Variants in KPNA7 observed in about 807,000 individuals in gnomAD.
KPNA7 encodes karyopherin subunit alpha 7.
A neutral mutation model predicts 53.7 loss-of-function variants in KPNA7; 54 were observed. The ratio of observed to expected loss-of-function variants is 1.01; its 90% CI spans 0.81 to 1.26. The LOEUF is 1.26. Among genes scored for constraint, KPNA7 ranks in the 50% most tolerant of loss-of-function variants. The probability of loss-of-function intolerance (pLI) is 0.00; values close to 1 mark genes in which losing one functional copy is unlikely to be tolerated. For synonymous variants in KPNA7, 276 were observed against 259.3 expected (o/e 1.06, Z -0.62); for missense variants, 640 against 644.5 (o/e 0.99, Z 0.07).
chr7:99,158,007 C>G, the KPNA7 span, among the ~76,000 whole-genome samples: 1 of 151,870 alleles, frequency 6.6e-6, no homozygotes, highest in East Asian at 1.9e-4. Context: ...GAACTCCTGG[C>G]CTCCTGAGTA....
At position 99,178,011 on chromosome 7, in the gene KPNA7, C is replaced by T. The variant is rs1355814828; in HGVS notation, c.1373G>A (p.Gly458Asp). 2 of 1,551,636 alleles carry T rather than the reference C, an allele frequency of 1.3e-6. No homozygotes were observed. The highest frequency in any genetic ancestry group is 1.4e-5 in the African/African-American group (1 of 73,014). The change falls in exon 10 of 11, where the codon GGT becomes GAT. Residue 458 changes from glycine (G) to aspartate (D), a missense_variant. Gly to Asp is a moderately conservative substitution (Grantham distance 94, BLOSUM62 -1). Transcript: ENST00000327442. ...ENLCLLIEEL[G>D]GIDRIEALQL... The stretch of plus-strand genomic sequence containing the variant: ...TAAAGCCTCAATTCTATCGATCCCA[C>T]CAAGTTCTTCTATCAGAAGACACAG...
intron 6 of KPNA7, among the ~76,000 whole-genome samples, chr7:99,189,010 A>T (rs1184162037): frequency 6.6e-6 from 1 of 152,120 alleles, no homozygotes; most frequent in Non-Finnish European, 1.5e-5. Context: ...TTCAAATAGA[A>T]ATGTGTTCTA....
At chr7:99,171,653 C>T (rs1039579877), downstream of KPNA7, among the ~76,000 whole-genome samples, 1 of 152,178 alleles carries the variant, frequency 6.6e-6, no homozygotes, top group African/African-American at 2.4e-5. Context: ...CCCAGCTACT[C>T]AAGAGGCTGA....
chr7:99,188,840 C>A (rs1320941495), intron 6 of KPNA7, among the ~76,000 whole-genome samples: 7 of 152,036 alleles, frequency 4.6e-5, no homozygotes, highest in Non-Finnish European at 1.0e-4. Context: ...ACCACACACG[C>A]CCAGCTAATT....
chr7:99,215,589 G>T (rs908644561), intron 1 of KPNA7, among the ~76,000 whole-genome samples: 1 of 150,342 alleles, frequency 6.7e-6, no homozygotes, highest in Non-Finnish European at 1.5e-5. Flanking sequence ...GATCCCTGTT[G>T]CTTCTCCAGG....
intron 7 of KPNA7, 105 bp downstream of exon 7, chr7:99,188,195 A>ATG: frequency 1.6e-6 from 1 of 637,954 alleles, no homozygotes; most frequent in Non-Finnish European, 2.4e-6. Flanking sequence ...AAAAAAAAAA[A>ATG]AAAGCAAAGA....
chr7:99,170,468 G>GA (rs1798751958), downstream of KPNA7, among the ~76,000 whole-genome samples: 1 of 876 alleles, frequency 1.1e-3, no homozygotes, highest in Non-Finnish European at 5.3e-3. Context: ...CCGTTTCAGT[G>GA]GGAAAAAAAA....
At chr7:99,191,952 A>G (rs867138150) in intron 6 of KPNA7, among the ~76,000 whole-genome samples, 33 of 152,174 alleles carry the variant, frequency 2.2e-4, no homozygotes, top group African/African-American at 7.7e-4. Flanking sequence ...TCCCAGATGA[A>G]GGTTTTGAAC....
chr7:99,155,918 T>C, the KPNA7 span, among the ~76,000 whole-genome samples: 2 of 152,126 alleles, frequency 1.3e-5, no homozygotes, highest in African/African-American at 4.8e-5. Flanking sequence ...TTCTGTCTAC[T>C]ACTTGGAATC....
chr7:99,186,084 C>G (rs750092837), intron 7 of KPNA7, among the ~76,000 whole-genome samples: 1 of 152,156 alleles, frequency 6.6e-6, no homozygotes, highest in Non-Finnish European at 1.5e-5. Context: ...TGAGCTACTG[C>G]GCCCAGTGAC....
At chr7:99,175,510 TTTATTTATTTA>T (rs1386634438) in intron 10 of KPNA7, among the ~76,000 whole-genome samples, 16 of 136,252 alleles carry the variant, frequency 1.2e-4, no homozygotes, top group South Asian at 8.5e-4. Context: ...TATTTATTTA[TTTATTTATTTA>T]TTATTTATTT....
At chr7:99,194,452 C>T (rs1408331318) in intron 5 of KPNA7, among the ~76,000 whole-genome samples, 2 of 152,164 alleles carry the variant, frequency 1.3e-5, no homozygotes, top group Non-Finnish European at 2.9e-5. Context: ...TAAACTCCCA[C>T]ACTGCATAAG....
chr7:99,205,409 TCAAAAAAA>T (rs1563088826), intron 2 of KPNA7, among the ~76,000 whole-genome samples: 2 of 32,136 alleles, frequency 6.2e-5, no homozygotes. Context: ...AGACTCCATC[TCAAAAAAA>T]AAAAAAAAAA....
chr7:99,195,371 A>C (rs1227522475), intron 4 of KPNA7, 33 bp from the exon 5 acceptor site: 18 of 1,541,226 alleles, frequency 1.2e-5, no homozygotes, highest in Non-Finnish European at 1.5e-5. Context: ...GGGGAGGGGG[A>C]GGTCAAGTGA....
chr7:99,166,168 A>G, the KPNA7 span, among the ~76,000 whole-genome samples: 1 of 151,978 alleles, frequency 6.6e-6, no homozygotes, highest in African/African-American at 2.4e-5. Flanking sequence ...TTTATAAACC[A>G]CCCAGACTCA....
chr7:99,203,047 CAGAGACACTTGCTA>C, intron 3 of KPNA7, 45 bp downstream of exon 3: 1 of 1,524,896 alleles, frequency 6.6e-7, no homozygotes, highest in Non-Finnish European at 8.9e-7. Flanking sequence ...ATTATCCAGC[CAGAGACACTTGCTA>C]AGAACATATT....
At chr7:99,196,996 G>A (rs1790259783) in intron 3 of KPNA7, among the ~76,000 whole-genome samples, 1 of 151,778 alleles carries the variant, frequency 6.6e-6, no homozygotes, top group Non-Finnish European at 1.5e-5. Flanking sequence ...GGAATGTCAT[G>A]TATAGGGCTA....
chr7:99,216,218 G>A (rs1033262386), intron 1 of KPNA7, among the ~76,000 whole-genome samples: 1 of 152,022 alleles, frequency 6.6e-6, no homozygotes, highest in Admixed American at 6.6e-5. Flanking sequence ...TAGAAAGACA[G>A]GTGTCTTGCT....
intron 6 of KPNA7, among the ~76,000 whole-genome samples, chr7:99,188,832 C>T (rs1304984059): frequency 3.3e-5 from 5 of 152,048 alleles, no homozygotes; most frequent in Non-Finnish European, 1.5e-5. Context: ...TGCCCGCCAC[C>T]ACACACGCCC....
Sources: allele counts gnomAD v4.1 joint callset (sites outside exome capture counted in the v4.1 genomes callset), GRCh38; gene constraint gnomAD v4.1.1; transcripts MANE v1.5; gene names NCBI Gene and HGNC (gene_info 2026-07-23, HGNC 2026-07-21).